The following DPH6 variants were observed in gnomAD, a reference collection of about 807,000 sequenced individuals.
The protein encoded by DPH6 is diphthamine biosynthesis 6.
A neutral mutation model predicts 38.2 loss-of-function variants in DPH6; 33 were observed. That is an observed-to-expected ratio of 0.86 (90% CI 0.65 to 1.15). The LOEUF is 1.15. Among genes scored for constraint, DPH6 ranks in the 50% most tolerant of loss-of-function variants. DPH6 has a pLI of 0.00. For synonymous variants in DPH6, 108 were observed against 103.0 expected (o/e 1.05, Z -0.30); for missense variants, 325 against 320.0 (o/e 1.02, Z -0.12).
chr15:35,338,506 G>A (rs1052743598), intron 3 of DPH6, among the ~76,000 whole-genome samples: 11 of 152,152 alleles, frequency 7.2e-5, no homozygotes, highest in African/African-American at 2.7e-4. Context: ...CAGTTAGAAT[G>A]GCAATCATTA....
At chr15:35,298,714 G>A (rs756244125) in intron 3 of DPH6, 12 of 1,579,632 alleles carry the variant, frequency 7.6e-6, no homozygotes, top group South Asian at 1.1e-5. Context: ...CCCGGAAGCC[G>A]TACTTCTGTA....
the DPH6 span, among the ~76,000 whole-genome samples, chr15:35,205,083 A>G: frequency 1.3e-5 from 2 of 151,990 alleles, no homozygotes; most frequent in African/African-American, 2.4e-5. Flanking sequence ...GATTCCATAA[A>G]TAAAGGACAT....
At chr15:35,413,911 C>T (rs10519999) in intron 5 of DPH6, among the ~76,000 whole-genome samples, 46,201 of 151,274 alleles carry the variant, frequency 0.31, 7,715 homozygotes, top group African/African-American at 0.45. Context: ...GAGTGAATTT[C>T]TACTTTTCGG....
chr15:35,403,959 T>C (rs1339222571), intron 6 of DPH6, among the ~76,000 whole-genome samples: 1 of 152,070 alleles, frequency 6.6e-6, no homozygotes, highest in African/African-American at 2.4e-5. Context: ...ATCCCACAAA[T>C]AAGTGACAAT....
chr15:35,419,551 G>C (rs908860184), intron 5 of DPH6, among the ~76,000 whole-genome samples: 1 of 152,036 alleles, frequency 6.6e-6, no homozygotes, highest in South Asian at 2.1e-4. Flanking sequence ...GCCTACAAGA[G>C]ACTCAGTTCA....
intron 1 of DPH6, 79 bp downstream of exon 1, chr15:35,546,040 A>G: frequency 8.0e-7 from 1 of 1,243,180 alleles, no homozygotes; most frequent in Non-Finnish European, 1.0e-6. Flanking sequence ...GGAGACACCC[A>G]CTCTTTCGGC....
chr15:35,381,623 C>G (rs1197769631), intron 7 of DPH6, among the ~76,000 whole-genome samples, 199 bp downstream of exon 7: 1 of 152,132 alleles, frequency 6.6e-6, no homozygotes, highest in Non-Finnish European at 1.5e-5. Context: ...AAGTTTATAG[C>G]CTTCTATGAA....
intron 3 of DPH6, among the ~76,000 whole-genome samples, chr15:35,226,911 A>T (rs2051485636): frequency 6.6e-6 from 1 of 152,094 alleles, no homozygotes; most frequent in Admixed American, 6.5e-5. Context: ...TCAGCTCTTT[A>T]AATGTTTGGT....
chr15:35,334,175 G>A (rs1341309094), intron 3 of DPH6, among the ~76,000 whole-genome samples: 3 of 151,830 alleles, frequency 2.0e-5, no homozygotes, highest in Non-Finnish European at 4.4e-5. Flanking sequence ...CCAATTTCAG[G>A]TCAAAAAGAA....
intron 3 of DPH6, chr15:35,298,525 T>C: frequency 2.6e-6 from 2 of 778,678 alleles, no homozygotes; most frequent in Non-Finnish European, 4.8e-6. Flanking sequence ...CCATGTTCCT[T>C]AGTAGGACCA....
chr15:35,316,979 T>G (rs989672626), intron 3 of DPH6, among the ~76,000 whole-genome samples: 9 of 152,192 alleles, frequency 5.9e-5, no homozygotes, highest in Non-Finnish European at 1.0e-4. Context: ...TCTCTAGGGC[T>G]GGGCACAATG....
chr15:35,237,484 C>A (rs1354692903), intron 3 of DPH6: 1 of 1,578,938 alleles, frequency 6.3e-7, no homozygotes, highest in Non-Finnish European at 8.7e-7. Context: ...CCAACGTAGG[C>A]CTCACCTCAA....
At chr15:35,172,772 G>A in the DPH6 span, among the ~76,000 whole-genome samples, 1 of 152,094 alleles carries the variant, frequency 6.6e-6, no homozygotes, top group African/African-American at 2.4e-5. Context: ...GTGCACTGTA[G>A]TCTTGAACTC....
At chr15:35,442,161 T>C (rs2053797352) in intron 5 of DPH6, among the ~76,000 whole-genome samples, 1 of 151,820 alleles carries the variant, frequency 6.6e-6, no homozygotes, top group African/African-American at 2.4e-5. Flanking sequence ...ACTCAGAATA[T>C]ATATTAAAGA....
the DPH6 span, among the ~76,000 whole-genome samples, chr15:35,168,615 G>C: frequency 7.2e-5 from 11 of 152,004 alleles, no homozygotes; most frequent in South Asian, 2.1e-4. Context: ...TTAGTATAAC[G>C]CACAGCTCAG....
chr15:35,431,922 G>T (rs960650522), intron 5 of DPH6, among the ~76,000 whole-genome samples: 3 of 152,098 alleles, frequency 2.0e-5, no homozygotes, highest in Admixed American at 2.0e-4. Flanking sequence ...GGAGTAGCGG[G>T]GACTACAGGC....
At chr15:35,298,998 G>A in intron 3 of DPH6, 2 of 744,982 alleles carry the variant, frequency 2.7e-6, no homozygotes, top group South Asian at 3.0e-5. Context: ...ATCCGGATCT[G>A]AACTCCTTGA....
chr15:35,236,531 C>G (rs2051552576), intron 3 of DPH6, among the ~76,000 whole-genome samples: 2 of 150,984 alleles, frequency 1.3e-5, no homozygotes, highest in Admixed American at 6.6e-5. Flanking sequence ...CCCAGCTACT[C>G]GGGAGGCTGA....
At chr15:35,339,028 G>A (rs1333545563) in intron 3 of DPH6, among the ~76,000 whole-genome samples, 1 of 151,020 alleles carries the variant, frequency 6.6e-6, no homozygotes, top group Non-Finnish European at 1.5e-5. Flanking sequence ...ACTGGGGCCT[G>A]TTGTGGGGTG....
Sources: gnomAD v4.1 joint callset for allele counts (sites outside exome capture counted in the v4.1 genomes callset) on GRCh38, gnomAD v4.1.1 for gene constraint, MANE v1.5 for transcripts, NCBI Gene and HGNC (gene_info 2026-07-23, HGNC 2026-07-21) for gene names.